The following TOX3 variants were observed in gnomAD, a reference collection of about 807,000 sequenced individuals.
TOX3 encodes the protein TOX high mobility group box family member 3, also known as CAG trinucleotide repeat-containing gene F9 protein.
Under a neutral mutation model 64.3 loss-of-function variants are expected in TOX3, and 22 were observed. That is an observed-to-expected ratio of 0.34 (90% CI 0.24 to 0.49). The LOEUF (loss-of-function observed/expected upper bound fraction) is 0.49, where lower values mean the gene tolerates loss of function less well. TOX3 is among the 20% of genes least tolerant of loss of function. The pLI, the probability that TOX3 is intolerant of heterozygous loss-of-function variation, is 0.99. For synonymous variants in TOX3, 291 were observed against 273.6 expected (o/e 1.06, Z -0.63); for missense variants, 661 against 714.4 (o/e 0.93, Z 0.85).
chr16:52,450,771 T>C (rs571605576), intron 3 of TOX3, among the ~76,000 whole-genome samples: 55 of 140,728 alleles, frequency 3.9e-4, no homozygotes, highest in African/African-American at 1.4e-3. Flanking sequence ...AATATTTCAT[T>C]ATAGAACTGT....
At chr16:52,501,151 GAACA>G (rs1961989389) in intron 1 of TOX3, among the ~76,000 whole-genome samples, 2 of 152,164 alleles carry the variant, frequency 1.3e-5, no homozygotes, top group African/African-American at 4.8e-5. Context: ...TTCTACAGAG[GAACA>G]AACAGGACTT....
chr16:52,490,374 C>A (rs1190009272), intron 1 of TOX3, among the ~76,000 whole-genome samples: 1 of 152,078 alleles, frequency 6.6e-6, no homozygotes, highest in African/African-American at 2.4e-5. Flanking sequence ...AATTACCCAG[C>A]CTCATGTAGT....
At chr16:52,466,173 T>G (rs1235485970) in intron 2 of TOX3, among the ~76,000 whole-genome samples, 1 of 152,216 alleles carries the variant, frequency 6.6e-6, no homozygotes, top group East Asian at 1.9e-4. Flanking sequence ...GGATAAACAC[T>G]CATTCTTGAT....
intron 1 of TOX3, among the ~76,000 whole-genome samples, chr16:52,501,878 C>T (rs1424592646): frequency 6.6e-6 from 1 of 152,118 alleles, no homozygotes; most frequent in Non-Finnish European, 1.5e-5. Context: ...TTCTGCCTTC[C>T]CTCCTGGGGT....
chr16:52,456,186 T>C (rs1280246541), intron 3 of TOX3, among the ~76,000 whole-genome samples: 1 of 152,204 alleles, frequency 6.6e-6, no homozygotes, highest in Non-Finnish European at 1.5e-5. Context: ...ATTGAAAGTT[T>C]AAAGCATGGT....
intron 1 of TOX3, among the ~76,000 whole-genome samples, chr16:52,526,273 T>C (rs1358256059): frequency 6.6e-6 from 1 of 152,142 alleles, no homozygotes; most frequent in Non-Finnish European, 1.5e-5. Flanking sequence ...GAGAACAGAA[T>C]AGCCAAGGCA....
At chr16:52,532,163 G>A (rs1336105352) in intron 1 of TOX3, among the ~76,000 whole-genome samples, 1 of 152,080 alleles carries the variant, frequency 6.6e-6, no homozygotes, top group Non-Finnish European at 1.5e-5. Context: ...AGACCCTGGG[G>A]TAAATTGCAA....
chr16:52,464,676 T>C (rs1241866144), intron 2 of TOX3, among the ~76,000 whole-genome samples: 2 of 152,232 alleles, frequency 1.3e-5, no homozygotes, highest in African/African-American at 4.8e-5. Context: ...GGTTTGCTTT[T>C]TTAATTTCCT....
chr16:52,536,151 C>T (rs879060828), intron 1 of TOX3, among the ~76,000 whole-genome samples: 1 of 152,128 alleles, frequency 6.6e-6, no homozygotes, highest in Admixed American at 6.5e-5. Context: ...CACCCCCTAT[C>T]CTCATGAAGT....
intron 1 of TOX3, among the ~76,000 whole-genome samples, chr16:52,502,334 A>T (rs1301668110): frequency 6.6e-6 from 1 of 152,224 alleles, no homozygotes; most frequent in Non-Finnish European, 1.5e-5. Flanking sequence ...GTCTGTCCTC[A>T]TATGTTAGCC....
intron 1 of TOX3, among the ~76,000 whole-genome samples, chr16:52,480,295 G>C (rs950649924): frequency 6.6e-6 from 1 of 152,180 alleles, no homozygotes; most frequent in Non-Finnish European, 1.5e-5. Context: ...GGTTGCCAAA[G>C]TACTGTCAAG....
chr16:52,524,804 C>T (rs115199629), intron 1 of TOX3, among the ~76,000 whole-genome samples: 2,171 of 152,190 alleles, frequency 0.014, 74 homozygotes, highest in African/African-American at 0.05. Flanking sequence ...CCTCGACCAT[C>T]CTCTCTGGGT....
At chr16:52,478,177 A>T (rs1961271137) in intron 1 of TOX3, among the ~76,000 whole-genome samples, 1 of 152,312 alleles carries the variant, frequency 6.6e-6, no homozygotes, top group Non-Finnish European at 1.5e-5. Flanking sequence ...TTAGAGTAAA[A>T]TTCAAACTCC....
chr16:52,527,434 A>G (rs999806706), intron 1 of TOX3, among the ~76,000 whole-genome samples: 8 of 152,208 alleles, frequency 5.3e-5, no homozygotes, highest in African/African-American at 1.9e-4. Flanking sequence ...AATTCAGGCA[A>G]GTCCCCTGTT....
chr16:52,513,448 T>G (rs955547413), intron 1 of TOX3, among the ~76,000 whole-genome samples: 2 of 152,210 alleles, frequency 1.3e-5, no homozygotes, highest in Admixed American at 1.3e-4. Flanking sequence ...GGTAAAGGCA[T>G]GAATTAAAAT....
Position 52,439,594 on chromosome 16 carries a change from T to C in TOX3, c.1362A>G (p.Gln454=). ...QLQQQQQQQQ[Q]QMQQMQQQQL... ...GCTGCTGCTGCATCTGTTGCATCTG[T>C]TGTTGTTGCTGCTGCTGCTGCTGCT... The change falls in exon 7 of 7, where the codon CAA becomes CAG. Residue 454 remains glutamine, a synonymous_variant. Coordinates refer to ENST00000219746, the MANE Select transcript of TOX3 (RefSeq NM_001080430.4). The C allele has an allele frequency of 6.3e-7, 1 of 1,590,564 alleles. No homozygotes were observed. The highest frequency in any genetic ancestry group is 8.6e-7 in the Non-Finnish European group (1 of 1,162,606).
chr16:52,492,879 A>T (rs1263376380), intron 1 of TOX3, among the ~76,000 whole-genome samples: 1 of 149,522 alleles, frequency 6.7e-6, no homozygotes, highest in Admixed American at 6.8e-5. Context: ...GGCACAAGGT[A>T]GATCAGAAAA....
At chr16:52,503,367 G>A (rs1567339007) in intron 1 of TOX3, among the ~76,000 whole-genome samples, 1 of 152,284 alleles carries the variant, frequency 6.6e-6, no homozygotes, top group East Asian at 1.9e-4. Flanking sequence ...GTCACTCACT[G>A]CAAGGACCAC....
intron 1 of TOX3, among the ~76,000 whole-genome samples, chr16:52,520,764 T>C (rs886303781): frequency 2.0e-5 from 3 of 152,196 alleles, no homozygotes; most frequent in African/African-American, 7.2e-5. Flanking sequence ...AAAAGTTTCA[T>C]GTGAATTCAG....
Sources: allele counts gnomAD v4.1 joint callset (sites outside exome capture counted in the v4.1 genomes callset), GRCh38; gene constraint gnomAD v4.1.1; transcripts MANE v1.5; gene names NCBI Gene and HGNC (gene_info 2026-07-23, HGNC 2026-07-21).